The following STK32B variants were observed in gnomAD, a reference collection of about 807,000 sequenced individuals.
STK32B encodes serine/threonine kinase 32B.
STK32B carries 43 observed loss-of-function variants against 52.6 expected under a neutral mutation model. That is an observed-to-expected ratio of 0.82 (90% CI 0.64 to 1.05). The LOEUF (loss-of-function observed/expected upper bound fraction) is 1.05, where lower values mean the gene tolerates loss of function less well. Among genes scored for constraint, STK32B ranks in the 50% least tolerant of loss-of-function variants. The pLI is 0.00. For synonymous variants in STK32B, 238 were observed against 204.3 expected (o/e 1.17, Z -1.41); for missense variants, 621 against 534.6 (o/e 1.16, Z -1.59).
the STK32B span, among the ~76,000 whole-genome samples, chr4:5,022,210 C>T: frequency 2.0e-5 from 3 of 152,192 alleles, no homozygotes; most frequent in South Asian, 2.1e-4. Flanking sequence ...CCATGCCCTT[C>T]TCTAGGAGAG....
In STK32B at chr4:5,371,098, T is replaced by C. The variant is rs569514104; in HGVS notation, c.435-27109T>C. On this transcript the variant is annotated intron_variant, in intron 4 of 11. Coordinates refer to ENST00000282908, the MANE Select transcript of STK32B (RefSeq NM_018401.3). ...TGTTAAAATGGTAGGGAAGACTTTA[T>C]TCAGGACTATTGCAGTGAGTGTAAA... Among the ~76,000 whole-genome samples the C allele has an allele frequency of 1.6e-3, 239 of 151,986 alleles. 1 individual carries two copies. Among genetic ancestry groups the C allele is most frequent in the African/African-American group, 4.7e-3 (196 of 41,396 alleles).
At chr4:5,491,155 T>C (rs1047622133) in intron 11 of STK32B, among the ~76,000 whole-genome samples, 16 of 152,238 alleles carry the variant, frequency 1.1e-4, no homozygotes, top group Non-Finnish European at 2.1e-4. Flanking sequence ...CCACACTGAC[T>C]TCCACAATGG....
At chr4:5,438,196 A>C (rs893364506) in intron 6 of STK32B, 2 of 912,770 alleles carry the variant, frequency 2.2e-6, no homozygotes, top group African/African-American at 3.6e-5. Context: ...TCAAGCCCTC[A>C]GGACTGAGAA....
At chr4:5,025,813 C>G in the STK32B span, among the ~76,000 whole-genome samples, 1 of 152,202 alleles carries the variant, frequency 6.6e-6, no homozygotes. Flanking sequence ...TAAACTATGA[C>G]AAGAACAATG....
At chr4:5,382,584 A>G (rs573199951) in intron 4 of STK32B, among the ~76,000 whole-genome samples, 1 of 152,214 alleles carries the variant, frequency 6.6e-6, no homozygotes, top group South Asian at 2.1e-4. Flanking sequence ...GTCTTCCTAA[A>G]GAGCAAAATT....
chr4:5,029,304 A>G, the STK32B span, among the ~76,000 whole-genome samples: 1 of 152,228 alleles, frequency 6.6e-6, no homozygotes, highest in East Asian at 1.9e-4. Context: ...CACTTGATCA[A>G]AAGAGAGATA....
rs571238799 is a variant in STK32B, at chr4:5,147,616, G to GT, written c.108+7657dup. On this transcript the variant is annotated intron_variant, in intron 2 of 11. Transcript: ENST00000282908. ...AGCTCCTTTTTAGTTGTAGTTTTCTGTAAGTGTTTATCATGTCTTGCTGAA... is the reference window on the plus strand; with the variant it reads ...AGCTCCTTTTTAGTTGTAGTTTTCTGTTAAGTGTTTATCATGTCTTGCTGAA... Among the ~76,000 whole-genome samples the GT allele has an allele frequency of 2.3e-3, 353 of 151,984 alleles. 6 individuals are homozygous for GT. Among genetic ancestry groups the GT allele is most frequent in the Non-Finnish European group, 1.2e-3 (83 of 67,844 alleles).
Position 5,395,853 on chromosome 4 carries a change from C to G in STK32B, c.435-2354C>G, listed in dbSNP as rs1054823176. 6.6e-6 allele frequency among the ~76,000 whole-genome samples: 1 copy of G among 152,232 alleles called. No individual in the cohort carries two copies. Among genetic ancestry groups the G allele is most frequent in the Admixed American group, 6.5e-5 (1 of 15,288 alleles). On this transcript the variant is annotated intron_variant, in intron 4 of 11. Coordinates refer to ENST00000282908, the MANE Select transcript of STK32B (RefSeq NM_018401.3). This position sits in a 1 kb window ranked among gnomAD's most constrained non-coding sequence, Gnocchi z 4.4. ...ATGGGCTGAATTCTCCCAAACAGAACAGCCCCTTTCCTTGGCTCTGTGGGG... is the reference window on the plus strand; with the variant it reads ...ATGGGCTGAATTCTCCCAAACAGAAGAGCCCCTTTCCTTGGCTCTGTGGGG...
chr4:5,196,789 A>G (rs1170307018), intron 3 of STK32B, among the ~76,000 whole-genome samples: 5 of 151,994 alleles, frequency 3.3e-5, no homozygotes, highest in Non-Finnish European at 7.4e-5. Flanking sequence ...CTAGTGAGAA[A>G]ACAAAAGGAA....
intron 3 of STK32B, among the ~76,000 whole-genome samples, chr4:5,198,363 C>T (rs73208967): frequency 0.24 from 36,894 of 152,158 alleles, 5,166 homozygotes; most frequent in East Asian, 0.33. Flanking sequence ...AATTTGTAAT[C>T]TGATGGGGCA....
intron 4 of STK32B, among the ~76,000 whole-genome samples, chr4:5,347,343 T>C (rs1733536213): frequency 6.6e-6 from 1 of 152,168 alleles, no homozygotes; most frequent in African/African-American, 2.4e-5. Context: ...AAAAATACTA[T>C]CTACAGTGAA....
At chr4:5,194,636 A>G (rs937144734) in intron 3 of STK32B, among the ~76,000 whole-genome samples, 1 of 152,222 alleles carries the variant, frequency 6.6e-6, no homozygotes, top group East Asian at 1.9e-4. Flanking sequence ...AGAATTGTGT[A>G]TTAGGCAGTT....
At chr4:5,466,977 A>G in intron 10 of STK32B, 143 bp downstream of exon 10, 1 of 1,099,800 alleles carries the variant, frequency 9.1e-7, no homozygotes. Context: ...AAATGCTACT[A>G]TCAAACAAGT....
rs764294340 is a variant in STK32B at position 5,378,980 on chromosome 4, G to T, written c.435-19227G>T. 3.3e-5 allele frequency among the ~76,000 whole-genome samples: 5 copies of T among 152,156 alleles called. No individual in the cohort carries two copies. Among genetic ancestry groups the T allele is most frequent in the African/African-American group, 4.8e-5 (2 of 41,430 alleles). ...AAAAAGCTCTGTGGAGAGAGGTCAG[G>T]CCCTGGCTGTGCTGATGGTGAGCTC... On this transcript the variant is annotated intron_variant, in intron 4 of 11. Transcript: ENST00000282908. This position sits in a 1 kb window ranked among gnomAD's most constrained non-coding sequence, Gnocchi z 4.4.
chr4:5,449,941 T>C (rs1577522796), intron 7 of STK32B, among the ~76,000 whole-genome samples: 2 of 152,314 alleles, frequency 1.3e-5, no homozygotes, highest in East Asian at 3.9e-4. Context: ...TATTTAATTA[T>C]ATATTACAAT....
intron 3 of STK32B, among the ~76,000 whole-genome samples, chr4:5,316,218 AT>A (rs1730692502): frequency 1.3e-5 from 1 of 76,796 alleles, no homozygotes; most frequent in African/African-American, 1.1e-4. Context: ...ATATTACATA[AT>A]ATATTATATA....
chr4:5,479,826 A>G (rs1029730580), intron 11 of STK32B, among the ~76,000 whole-genome samples: 6 of 151,854 alleles, frequency 4.0e-5, no homozygotes, highest in Non-Finnish European at 8.8e-5. Context: ...AGTAATTTCA[A>G]CTCTGTGTTT....
intron 11 of STK32B, among the ~76,000 whole-genome samples, chr4:5,484,363 G>C (rs1437793131): frequency 6.6e-6 from 1 of 152,054 alleles, no homozygotes; most frequent in Non-Finnish European, 1.5e-5. Context: ...TGTCTCTTTT[G>C]ATCTTTGTTG....
In STK32B at chr4:5,159,676, TATATATATGAATATATATGA is replaced by T. The variant is rs1310321001; in HGVS notation, c.109-8604_109-8585del. On this transcript the variant is annotated intron_variant, in intron 2 of 11. Transcript: ENST00000282908. Reference sequence around the variant, plus strand: ...GAATATATATATGAATGTATATGAATATATATATGAATATATATGAATATATATGAATATATATATGAATG... The same window carrying T: ...GAATATATATATGAATGTATATGAATATATATATGAATATATATATGAATG... Among the ~76,000 whole-genome samples the T allele has an allele frequency of 6.8e-5, 4 of 58,630 alleles. 1 individual carries two copies. The highest frequency in any genetic ancestry group is 1.3e-4 in the Non-Finnish European group (4 of 31,202). The allele number at this position is 58,630 out of a possible 152,430, so 38.5% of individuals were successfully genotyped here. A position where few individuals can be genotyped will look rare whatever the true frequency, so the allele number is the denominator to read the frequency against.
Sources: allele counts gnomAD v4.1 joint callset (sites outside exome capture counted in the v4.1 genomes callset), GRCh38; gene constraint gnomAD v4.1.1; non-coding constraint Gnocchi (gnomAD v3.1); transcripts MANE v1.5; gene names NCBI Gene and HGNC (gene_info 2026-07-23, HGNC 2026-07-21).